The following PCDH11Y variants were observed in gnomAD, a reference collection of about 807,000 sequenced individuals.
PCDH11Y encodes protocadherin 11 Y-linked.
For synonymous variants in PCDH11Y, 9 were observed against 83.6 expected, an observed-to-expected ratio of 0.11 and a Z score of 4.87; for missense variants, 12 against 224.8, an observed-to-expected ratio of 0.05 and a Z score of 6.05.
chrY:5,043,977 T>G (rs2052624332), intron 3 of PCDH11Y, among the ~76,000 whole-genome samples: 1 of 32,860 alleles, frequency 3.0e-5, no homozygotes, highest in Admixed American at 2.8e-4. Context: ...CATTTTTTAT[T>G]GTGTGTATTT....
chrY:5,300,520 G>A, intron 2 of PCDH11Y, among the ~76,000 whole-genome samples: 1 of 32,031 alleles, frequency 3.1e-5, no homozygotes, highest in Non-Finnish European at 7.7e-5. Flanking sequence ...TCTTTCCACT[G>A]TACTAGGCAG....
intron 2 of PCDH11Y, among the ~76,000 whole-genome samples, chrY:5,469,230 A>C: frequency 3.2e-5 from 1 of 31,672 alleles, no homozygotes; most frequent in African/African-American, 1.2e-4. Context: ...TCTGTTGTTT[A>C]TAAGATATCT....
At chrY:5,627,184 G>A (rs2053507819) in intron 4 of PCDH11Y, among the ~76,000 whole-genome samples, 2 of 30,512 alleles carry the variant, frequency 6.6e-5, no homozygotes, top group African/African-American at 2.6e-4. Context: ...TAGTAGAGAC[G>A]GGGTTTCACC....
chrY:5,213,014 T>C (rs1221697166), intron 2 of PCDH11Y, among the ~76,000 whole-genome samples: 6 of 26,490 alleles, frequency 2.3e-4, no homozygotes, highest in Non-Finnish European at 5.1e-4. Context: ...CCCCCAAACA[T>C]TGCAATTTAC....
At chrY:5,710,786 G>T in intron 4 of PCDH11Y, among the ~76,000 whole-genome samples, 1 of 32,937 alleles carries the variant, frequency 3.0e-5, no homozygotes, top group Non-Finnish European at 7.5e-5. Context: ...GAGGACAAGC[G>T]GTCTGAGATG....
At chrY:5,459,914 A>C in intron 2 of PCDH11Y, among the ~76,000 whole-genome samples, 7 of 32,484 alleles carry the variant, frequency 2.2e-4, no homozygotes, top group African/African-American at 8.3e-4. Flanking sequence ...AAACTCATTC[A>C]TTATTTTTCA....
chrY:5,584,344 A>C, intron 4 of PCDH11Y, among the ~76,000 whole-genome samples: 1 of 30,806 alleles, frequency 3.2e-5, no homozygotes, highest in African/African-American at 1.3e-4. Flanking sequence ...TATTTTGTTG[A>C]AGATTTTTGC....
At chrY:5,126,950 T>C (rs1602872272) in intron 2 of PCDH11Y, among the ~76,000 whole-genome samples, 88 of 32,286 alleles carry the variant, frequency 2.7e-3, no homozygotes, top group African/African-American at 9.8e-3. Context: ...CAGCCAACAG[T>C]GTAATTCACA....
chrY:5,220,098 G>T, intron 2 of PCDH11Y, among the ~76,000 whole-genome samples: 1 of 32,854 alleles, frequency 3.0e-5, no homozygotes. Context: ...TGTTCCATTG[G>T]CCTATGTGTC....
chrY:5,369,423 T>C (rs2053185260), intron 2 of PCDH11Y, among the ~76,000 whole-genome samples: 1 of 33,443 alleles, frequency 3.0e-5, no homozygotes, highest in Non-Finnish European at 7.4e-5. Flanking sequence ...GCTACTGCCA[T>C]GTAAGAAGTG....
At chrY:5,434,181 G>C (rs2053271390) in intron 2 of PCDH11Y, among the ~76,000 whole-genome samples, 1 of 31,795 alleles carries the variant, frequency 3.1e-5, no homozygotes, top group African/African-American at 1.2e-4. Context: ...TGCTACCACA[G>C]TTAATGGGTT....
intron 2 of PCDH11Y, among the ~76,000 whole-genome samples, chrY:5,488,051 C>CA (rs374330493): frequency 6.1e-5 from 2 of 32,972 alleles, no homozygotes; most frequent in African/African-American, 1.2e-4. Flanking sequence ...AGCTATTGAA[C>CA]AAAAAAAATA....
At chrY:5,357,255 A>G in intron 2 of PCDH11Y, among the ~76,000 whole-genome samples, 3 of 23,866 alleles carry the variant, frequency 1.3e-4, no homozygotes, top group African/African-American at 5.0e-4. Context: ...ATATACGTAT[A>G]TATATATATA....
At chrY:5,593,558 GT>G (rs2053464202) in intron 4 of PCDH11Y, among the ~76,000 whole-genome samples, 1 of 32,913 alleles carries the variant, frequency 3.0e-5, no homozygotes, top group South Asian at 6.9e-4. Flanking sequence ...GAGAGTTGGT[GT>G]GGTCATTTGG....
At chrY:5,008,400 C>T in intron 1 of PCDH11Y, among the ~76,000 whole-genome samples, 4 of 32,739 alleles carry the variant, frequency 1.2e-4, no homozygotes, top group South Asian at 1.4e-3. Context: ...AAATTCAAAT[C>T]GTTGTTTGTT....
intron 3 of PCDH11Y, among the ~76,000 whole-genome samples, chrY:5,560,152 T>A: frequency 6.0e-5 from 2 of 33,136 alleles, no homozygotes; most frequent in Admixed American, 2.8e-4. Context: ...GCCCCTTCTC[T>A]AAAGATTTGT....
intron 4 of PCDH11Y, among the ~76,000 whole-genome samples, chrY:5,690,862 A>G: frequency 3.4e-5 from 1 of 29,752 alleles, no homozygotes; most frequent in African/African-American, 1.3e-4. Context: ...GTGGTGCTGT[A>G]TATGATCCAG....
chrY:5,297,943 A>G, intron 2 of PCDH11Y, among the ~76,000 whole-genome samples: 1 of 33,847 alleles, frequency 3.0e-5, no homozygotes, highest in African/African-American at 1.2e-4. Flanking sequence ...CTATTCCATC[A>G]TCTTGCTCTG....
chrY:5,348,317 A>G, intron 2 of PCDH11Y, among the ~76,000 whole-genome samples: 1 of 32,576 alleles, frequency 3.1e-5, no homozygotes, highest in East Asian at 8.1e-4. Flanking sequence ...TCAGTATCCT[A>G]GAGTCTCGCA....
Sources: allele counts gnomAD v4.1 joint callset (sites outside exome capture counted in the v4.1 genomes callset), GRCh38; gene constraint gnomAD v4.1.1; transcripts MANE v1.5; gene names NCBI Gene and HGNC (gene_info 2026-07-23, HGNC 2026-07-21).